The following RGS17 variants were observed in gnomAD, a reference collection of about 807,000 sequenced individuals.
RGS17 encodes regulator of G-protein signaling 17.
A neutral mutation model predicts 25.5 loss-of-function variants in RGS17; 12 were observed. The ratio of observed to expected loss-of-function variants is 0.47; its 90% CI spans 0.30 to 0.76. The LOEUF is 0.76. Among genes scored for constraint, RGS17 ranks in the 30% least tolerant of loss-of-function variants. The pLI is 0.07. For synonymous variants in RGS17, 71 were observed against 76.9 expected (o/e 0.92, Z 0.40); for missense variants, 196 against 242.2 (o/e 0.81, Z 1.27).
Position 153,009,643 on chromosome 6 carries a change from GAA to G in RGS17, c.*1929_*1930del, listed in dbSNP as rs1352829785. 4.6e-5 allele frequency: 7 copies of G among 151,774 alleles called. No homozygotes were observed. The highest frequency in any genetic ancestry group is 1.5e-4 in the African/African-American group (6 of 41,372). The allele number at this position is 151,774 out of a possible 1,614,324, so 9.4% of individuals were successfully genotyped here. A position where few individuals can be genotyped will look rare whatever the true frequency, so the allele number is the denominator to read the frequency against. ...CAGAAAACACAGGCATTTGTTAAAA[GAA>G]ATGATTATTATAAATATTTTCTATC... On this transcript the variant is annotated 3_prime_UTR_variant, in exon 5 of 5. Transcript: ENST00000206262.
intron 1 of RGS17, among the ~76,000 whole-genome samples, chr6:153,116,614 C>T (rs753542764): frequency 1.1e-4 from 16 of 152,154 alleles, no homozygotes; most frequent in Non-Finnish European, 2.2e-4. Context: ...ACTATAAAGA[C>T]ACATGCACAT....
chr6:153,115,135 C>G (rs1401464900), intron 1 of RGS17, among the ~76,000 whole-genome samples: 1 of 152,182 alleles, frequency 6.6e-6, no homozygotes, highest in African/African-American at 2.4e-5. Flanking sequence ...GAGAGGAAGT[C>G]AAATTGTCTC....
chr6:153,036,983 T>C (rs906445496), intron 2 of RGS17, among the ~76,000 whole-genome samples: 7 of 152,140 alleles, frequency 4.6e-5, no homozygotes, highest in African/African-American at 1.7e-4. Context: ...TTCAATTGCT[T>C]CCCATCTCTA....
intron 1 of RGS17, among the ~76,000 whole-genome samples, chr6:153,074,524 G>A (rs1291320782): frequency 6.6e-6 from 1 of 152,208 alleles, no homozygotes; most frequent in Non-Finnish European, 1.5e-5. Flanking sequence ...CAGAATGGAT[G>A]TTGGAAATCG....
chr6:153,047,976 T>C (rs926996269), intron 1 of RGS17, among the ~76,000 whole-genome samples: 2 of 152,206 alleles, frequency 1.3e-5, no homozygotes, highest in Admixed American at 1.3e-4. Context: ...AAATTTTGAA[T>C]GGCCACAGTG....
chr6:153,067,284 T>C (rs904886160), intron 1 of RGS17, among the ~76,000 whole-genome samples: 1 of 152,088 alleles, frequency 6.6e-6, no homozygotes, highest in African/African-American at 2.4e-5. Context: ...CCACCATAAT[T>C]AAACATAGTA....
At chr6:153,055,382 C>T (rs545822803) in intron 1 of RGS17, among the ~76,000 whole-genome samples, 2 of 152,234 alleles carry the variant, frequency 1.3e-5, no homozygotes, top group African/African-American at 4.8e-5. Flanking sequence ...TAACTATGGA[C>T]TGAAACTCTC....
chr6:153,022,756 A>G (rs940148835), intron 4 of RGS17, among the ~76,000 whole-genome samples: 1 of 152,232 alleles, frequency 6.6e-6, no homozygotes, highest in African/African-American at 2.4e-5. Flanking sequence ...ATAAAATACA[A>G]GTAGAGTTGT....
rs1779070037 is a variant in RGS17, at chr6:153,005,916, AT to A, written c.*5657del. 2 of 152,246 alleles carry A rather than the reference AT, an allele frequency of 1.3e-5. No individual in the cohort carries two copies. Among genetic ancestry groups the A allele is most frequent in the African/African-American group, 4.8e-5 (2 of 41,470 alleles). The allele number at this position is 152,246 out of a possible 1,614,324, so 9.4% of individuals were successfully genotyped here. ...GATCAATATTGGCTCATTAATGCCC[AT>A]AGATGTATATGGGACCTCTCTATTT... On this transcript the variant is annotated 3_prime_UTR_variant, in exon 5 of 5. Coordinates refer to ENST00000206262, the MANE Select transcript of RGS17 (RefSeq NM_012419.5).
At chr6:153,056,730 T>A (rs1471403553) in intron 1 of RGS17, among the ~76,000 whole-genome samples, 4 of 152,092 alleles carry the variant, frequency 2.6e-5, no homozygotes, top group Admixed American at 6.6e-5. Flanking sequence ...AATTTGTACA[T>A]TCCTATAGAT....
intron 1 of RGS17, among the ~76,000 whole-genome samples, chr6:153,115,308 T>C (rs1467231907): frequency 6.6e-6 from 1 of 152,110 alleles, no homozygotes; most frequent in Admixed American, 6.5e-5. Context: ...GAAAGCCAAA[T>C]CATGAGTGTA....
intron 1 of RGS17, among the ~76,000 whole-genome samples, chr6:153,065,770 T>C (rs1207007111): frequency 6.6e-6 from 1 of 152,118 alleles, no homozygotes; most frequent in Non-Finnish European, 1.5e-5. Flanking sequence ...ACCTATAGGA[T>C]ACAGTAAAAG....
intron 1 of RGS17, among the ~76,000 whole-genome samples, chr6:153,065,239 A>G (rs542923963): frequency 6.6e-6 from 1 of 152,344 alleles, no homozygotes; most frequent in East Asian, 1.9e-4. Flanking sequence ...TAATTCAACA[A>G]GAGGATATAA....
intron 1 of RGS17, among the ~76,000 whole-genome samples, chr6:153,066,214 C>T (rs1178711206): frequency 1.3e-5 from 2 of 152,048 alleles, no homozygotes; most frequent in African/African-American, 4.8e-5. Flanking sequence ...ATACAACCTA[C>T]CACGATTGAA....
At chr6:153,124,824 A>G (rs1417864824) in intron 1 of RGS17, among the ~76,000 whole-genome samples, 2 of 152,138 alleles carry the variant, frequency 1.3e-5, no homozygotes, top group Non-Finnish European at 2.9e-5. Context: ...GTTGAGTTTG[A>G]TTAATCAAAT....
At chr6:153,052,285 G>A (rs576718128) in intron 1 of RGS17, among the ~76,000 whole-genome samples, 1 of 152,154 alleles carries the variant, frequency 6.6e-6, no homozygotes, top group African/African-American at 2.4e-5. Context: ...GGCCTGGAGT[G>A]CACAGCATCA....
chr6:153,091,943 T>C (rs1275204062), intron 1 of RGS17, among the ~76,000 whole-genome samples: 1 of 152,214 alleles, frequency 6.6e-6, no homozygotes, highest in East Asian at 1.9e-4. Context: ...CAGACACATC[T>C]TTAGATCAAG....
At chr6:153,039,191 T>C (rs931177134) in intron 2 of RGS17, among the ~76,000 whole-genome samples, 2 of 152,170 alleles carry the variant, frequency 1.3e-5, no homozygotes, top group African/African-American at 4.8e-5. Context: ...ACAACGGGAC[T>C]AGACATTCAG....
chr6:153,036,619 C>A (rs1303724531), intron 2 of RGS17, among the ~76,000 whole-genome samples: 2 of 152,174 alleles, frequency 1.3e-5, no homozygotes, highest in East Asian at 3.9e-4. Flanking sequence ...TCAATCAGAG[C>A]AAGTTGAACT....
Sources: allele counts gnomAD v4.1 joint callset (sites outside exome capture counted in the v4.1 genomes callset), GRCh38; gene constraint gnomAD v4.1.1; transcripts MANE v1.5; gene names NCBI Gene and HGNC (gene_info 2026-07-23, HGNC 2026-07-21).